ULK4: variants seen among roughly 807,000 people sequenced by gnomAD.
ULK4 encodes the protein inactive serine/threonine-protein kinase ULK4.
Under a neutral mutation model 160.6 loss-of-function variants are expected in ULK4, and 133 were observed. The ratio of observed to expected loss-of-function variants is 0.83; its 90% CI spans 0.72 to 0.96. The LOEUF is 0.96. Ranked by LOEUF, ULK4 falls within the 40% of genes least tolerant of loss-of-function variation. The pLI is 0.00. For synonymous variants in ULK4, 534 were observed against 539.8 expected, an observed-to-expected ratio of 0.99 and a Z score of 0.15; for missense variants, 1,580 against 1,499.5, an observed-to-expected ratio of 1.05 and a Z score of -0.89.
In ULK4 at chr3:41,311,637, C is replaced by T. The variant is rs142809110; in HGVS notation, c.3679-62063G>A. ...AGGCTGGAGTGCAGTGGTGCAATCTCGACTCACTGCAATCTCTGCCTCCCG... is the reference window on the plus strand; with the variant it reads ...AGGCTGGAGTGCAGTGGTGCAATCTTGACTCACTGCAATCTCTGCCTCCCG... On this transcript the variant is annotated intron_variant, in intron 35 of 36. Coordinates refer to ENST00000301831, the MANE Select transcript of ULK4 (RefSeq NM_017886.4). Among the ~76,000 whole-genome samples the T allele has an allele frequency of 8.2e-3, 1,243 of 152,116 alleles. 84 individuals are homozygous for T. The East Asian group carries it at 0.17, about 21-fold the overall frequency.
At chr3:41,903,098 A>G (rs1052227050) in intron 12 of ULK4, among the ~76,000 whole-genome samples, 2 of 152,162 alleles carry the variant, frequency 1.3e-5, no homozygotes, top group African/African-American at 2.4e-5. Flanking sequence ...GAAAGAAAAG[A>G]AGTCAATGAT....
chr3:41,952,264 A>C (rs1700317673), intron 2 of ULK4, among the ~76,000 whole-genome samples: 1 of 152,238 alleles, frequency 6.6e-6, no homozygotes, highest in South Asian at 2.1e-4. Context: ...GTGAAAAGGC[A>C]ACCTATAGAA....
intron 18 of ULK4, among the ~76,000 whole-genome samples, chr3:41,822,367 G>A (rs73079316): frequency 0.18 from 27,250 of 152,146 alleles, 2,510 homozygotes; most frequent in Middle Eastern, 0.32. Flanking sequence ...GTGCTTAGTG[G>A]AAGACTGAGA....
chr3:41,431,730 G>C (rs1288101652), intron 34 of ULK4, among the ~76,000 whole-genome samples: 1 of 150,144 alleles, frequency 6.7e-6, no homozygotes, highest in African/African-American at 2.4e-5. Flanking sequence ...AAATTAATTA[G>C]ATAACGTCAA....
At chr3:41,275,069 A>G (rs17054858) in intron 35 of ULK4, among the ~76,000 whole-genome samples, 24,107 of 152,170 alleles carry the variant, frequency 0.16, 2,292 homozygotes, top group African/African-American at 0.26. Context: ...TTGTCCCACA[A>G]TCCTCATGAG....
chr3:41,777,582 A>T, intron 21 of ULK4, among the ~76,000 whole-genome samples: 1 of 78,542 alleles, frequency 1.3e-5, no homozygotes, highest in Non-Finnish European at 2.4e-5. Flanking sequence ...TTCCCTCTAC[A>T]CACTGCTTTG....
At chr3:41,837,223 G>A (rs1012697888) in intron 17 of ULK4, among the ~76,000 whole-genome samples, 1 of 152,148 alleles carries the variant, frequency 6.6e-6, no homozygotes, top group African/African-American at 2.4e-5. Context: ...CGATTTAACA[G>A]CTTTACTGAG....
rs74823570 is a variant in ULK4 at position 41,503,613 on chromosome 3, C to A, written c.3227-40360G>T. Among the ~76,000 whole-genome samples, 986 of 152,296 alleles carry A rather than the reference C, an allele frequency of 6.5e-3. 9 individuals are homozygous for A. The highest frequency in any genetic ancestry group is 0.023 in the African/African-American group (955 of 41,566). On this transcript the variant is annotated intron_variant, in intron 32 of 36. Coordinates refer to ENST00000301831, the MANE Select transcript of ULK4 (RefSeq NM_017886.4). ...GCTCTAGCTCTGCATGGTACCCAAC[C>A]TTCTTCCAGAACTCTGAAAAACTAA...
intron 17 of ULK4, among the ~76,000 whole-genome samples, chr3:41,866,660 G>T (rs1352178133): frequency 6.6e-6 from 1 of 152,084 alleles, no homozygotes; most frequent in Non-Finnish European, 1.5e-5. Flanking sequence ...CCCGGTTTGG[G>T]GACCCCTGTA....
chr3:41,799,905 C>T (rs2040405663), intron 20 of ULK4, among the ~76,000 whole-genome samples: 1 of 152,006 alleles, frequency 6.6e-6, no homozygotes, highest in East Asian at 1.9e-4. Flanking sequence ...ACCATAATAC[C>T]ATAGTCCTAA....
rs146616925 is a variant in ULK4 at position 41,577,726 on chromosome 3, G to A, written c.3121-11596C>T. ...AAAGACAAAGAAATTGAATCTCTGA[G>A]AAAGGAATATAAAGAGGAGGGTCAG... On this transcript the variant is annotated intron_variant, in intron 31 of 36. Transcript: ENST00000301831. Among the ~76,000 whole-genome samples the A allele has an allele frequency of 7.5e-3, 1,148 of 152,186 alleles. 10 individuals carry two copies. The highest frequency in any genetic ancestry group is 0.02 in the African/African-American group (844 of 41,532).
At chr3:41,743,511 AAAAAG>A (rs916920537) in intron 22 of ULK4, among the ~76,000 whole-genome samples, 1 of 151,776 alleles carries the variant, frequency 6.6e-6, no homozygotes, top group Non-Finnish European at 1.5e-5. Context: ...AAGAATATAA[AAAAAG>A]AAGAACATCA....
intron 22 of ULK4, among the ~76,000 whole-genome samples, chr3:41,731,661 A>G (rs2037827462): frequency 6.7e-6 from 1 of 148,172 alleles, no homozygotes; most frequent in Admixed American, 6.6e-5. Context: ...CCAAAGAGCC[A>G]AATCAATTTT....
chr3:41,829,506 AAAG>A (rs1243835146), intron 18 of ULK4, among the ~76,000 whole-genome samples: 1 of 152,188 alleles, frequency 6.6e-6, no homozygotes, highest in African/African-American at 2.4e-5. Context: ...ACTCTTCTCA[AAAG>A]AAGACATTTA....
chr3:41,634,418 A>G (rs1386956794), intron 30 of ULK4, among the ~76,000 whole-genome samples: 1 of 152,206 alleles, frequency 6.6e-6, no homozygotes, highest in Non-Finnish European at 1.5e-5. Flanking sequence ...AGTTTTATTT[A>G]CAAATCCTGG....
intron 35 of ULK4, among the ~76,000 whole-genome samples, chr3:41,289,808 TATGTATG>T (rs1162361186): frequency 4.1e-3 from 1 of 244 alleles, no homozygotes; most frequent in Non-Finnish European, 0.014. Context: ...TAGGTCAACT[TATGTATG>T]TATGTATGTA....
chr3:41,348,544 C>T (rs963150389), intron 35 of ULK4, among the ~76,000 whole-genome samples: 2 of 152,124 alleles, frequency 1.3e-5, no homozygotes, highest in African/African-American at 4.8e-5. Flanking sequence ...GCCCAAACAG[C>T]TAAAAATCCT....
chr3:41,492,187 A>C (rs975349437), intron 32 of ULK4, among the ~76,000 whole-genome samples: 6 of 151,796 alleles, frequency 4.0e-5, no homozygotes, highest in African/African-American at 1.5e-4. Context: ...TGCCGCAATA[A>C]ACATACGTGT....
At chr3:41,365,226 C>T (rs1030812689) in intron 35 of ULK4, among the ~76,000 whole-genome samples, 4 of 152,130 alleles carry the variant, frequency 2.6e-5, no homozygotes, top group Non-Finnish European at 5.9e-5. Context: ...TTCTTCACAT[C>T]ACAGTAAACA....
Sources: gnomAD v4.1 joint callset for allele counts (sites outside exome capture counted in the v4.1 genomes callset) on GRCh38, gnomAD v4.1.1 for gene constraint, MANE v1.5 for transcripts, NCBI Gene and HGNC (gene_info 2026-07-23, HGNC 2026-07-21) for gene names.